The following RNF138 variants were observed in gnomAD, a reference collection of about 807,000 sequenced individuals.
The protein encoded by RNF138 is ring finger protein 138.
Under a neutral mutation model 31.0 loss-of-function variants are expected in RNF138, and 12 were observed. The observed-to-expected ratio is 0.39, with a 90% confidence interval of 0.25 to 0.63. RNF138 has a LOEUF of 0.63. Among genes scored for constraint, RNF138 ranks in the 20% least tolerant of loss-of-function variants. The pLI, the probability that RNF138 is intolerant of heterozygous loss-of-function variation, is 0.52. For synonymous variants in RNF138, 105 were observed against 99.5 expected (o/e 1.06, Z -0.33); for missense variants, 192 against 300.1 (o/e 0.64, Z 2.66).
chr18:32,103,685 C>T (rs918486633), intron 2 of RNF138, among the ~76,000 whole-genome samples: 10 of 152,012 alleles, frequency 6.6e-5, no homozygotes, highest in Non-Finnish European at 1.3e-4. Context: ...CTTCATGGGC[C>T]GGGTGTGGTG....
Position 32,104,567 on chromosome 18 carries a change from A to T in RNF138, c.111-7187A>T, listed in dbSNP as rs963895667. ...GATTAAAAACAAGAGAAACAATAAG[A>T]GTACAGGGAGGTTTGATGCAAGAAC... On this transcript the variant is annotated intron_variant, in intron 2 of 7. Coordinates refer to ENST00000261593, the MANE Select transcript of RNF138 (RefSeq NM_016271.5). Among the ~76,000 whole-genome samples the T allele has an allele frequency of 2.0e-5, 3 of 152,238 alleles. No homozygotes were observed. In the East Asian group the frequency reaches 5.8e-4, roughly 29 times the overall value.
intron 7 of RNF138, among the ~76,000 whole-genome samples, chr18:32,127,034 C>G (rs891410345): frequency 6.6e-6 from 1 of 152,056 alleles, no homozygotes; most frequent in Admixed American, 6.6e-5. Flanking sequence ...AGAGTAACAG[C>G]AAGCACCCAG....
intron 4 of RNF138, among the ~76,000 whole-genome samples, chr18:32,121,332 C>A (rs1397383774): frequency 1.3e-5 from 2 of 151,934 alleles, no homozygotes; most frequent in Non-Finnish European, 2.9e-5. Context: ...TCCGTCTTTA[C>A]TAAAAATACA....
At chr18:32,092,616 C>G in intron 1 of RNF138, 84 bp from the exon 2 acceptor site, 1 of 615,520 alleles carries the variant, frequency 1.6e-6, no homozygotes, top group East Asian at 3.1e-5. Flanking sequence ...CTGCGTTCGG[C>G]CCCGCCCTAC....
At chr18:32,108,433 T>G (rs2040072781) in intron 2 of RNF138, among the ~76,000 whole-genome samples, 1 of 152,154 alleles carries the variant, frequency 6.6e-6, no homozygotes, top group Non-Finnish European at 1.5e-5. Flanking sequence ...TTGTACTCTT[T>G]TATATCTGGC....
chr18:32,108,247 A>G lies in RNF138; in HGVS notation c.111-3507A>G, dbSNP rs1482091981. On this transcript the variant is annotated intron_variant, in intron 2 of 7. Transcript: ENST00000261593. ...GAATTTTCCCAAATTGAGTACACCC[A>G]TATCAAGCAACCATTCAACACCTAT... 2.0e-5 allele frequency among the ~76,000 whole-genome samples: 3 copies of G among 152,278 alleles called. No homozygotes were observed. In the East Asian group the frequency reaches 5.8e-4, roughly 29 times the overall value.
At chr18:32,107,885 C>T (rs969552807) in intron 2 of RNF138, among the ~76,000 whole-genome samples, 4 of 151,248 alleles carry the variant, frequency 2.6e-5, no homozygotes, top group South Asian at 2.1e-4. Flanking sequence ...TTTTTGGAGA[C>T]GGATTCTCGC....
chr18:32,126,668 G>T, intron 6 of RNF138, 25 bp from the exon 7 acceptor site: 2 of 1,283,586 alleles, frequency 1.6e-6, no homozygotes, highest in Non-Finnish European at 2.2e-6. Flanking sequence ...ATTATTTTTT[G>T]TTTAAAACAA....
At chr18:32,105,587 A>C (rs1205499275) in intron 2 of RNF138, among the ~76,000 whole-genome samples, 1 of 152,244 alleles carries the variant, frequency 6.6e-6, no homozygotes, top group Non-Finnish European at 1.5e-5. Context: ...TGTGCTATAC[A>C]TGATAATATT....
intron 4 of RNF138, among the ~76,000 whole-genome samples, chr18:32,117,558 T>A (rs968724745): frequency 5.3e-5 from 8 of 152,348 alleles, no homozygotes; most frequent in African/African-American, 1.9e-4. Context: ...TCATACTGTT[T>A]ATTATACGTT....
At chr18:32,101,825 C>T (rs888826011) in intron 2 of RNF138, among the ~76,000 whole-genome samples, 8 of 152,094 alleles carry the variant, frequency 5.3e-5, no homozygotes, top group African/African-American at 1.2e-4. Flanking sequence ...CTAGAAGTCA[C>T]ATTAAAATGT....
intron 4 of RNF138, among the ~76,000 whole-genome samples, chr18:32,122,226 A>C (rs956578592): frequency 1.3e-5 from 2 of 152,144 alleles, no homozygotes; most frequent in Admixed American, 1.3e-4. Flanking sequence ...GTGGAGAGAT[A>C]ACATTGTTAT....
intron 2 of RNF138, 70 bp downstream of exon 2, chr18:32,092,956 C>T: frequency 1.1e-6 from 1 of 871,980 alleles, no homozygotes; most frequent in Non-Finnish European, 1.6e-6. Context: ...CCCGGGACCC[C>T]GGGCTGCCGC....
rs1484627619 is a variant in RNF138, at chr18:32,131,307, CT to C, written c.*2125del. ...AAAATGATTGTTTAAAATTTCCCCT[CT>C]TTTTGTCAGTGCATTGGGAATAGGG... On this transcript the variant is annotated 3_prime_UTR_variant, in exon 8 of 8. Transcript: ENST00000261593. 4 of 136,190 alleles carry C rather than the reference CT, an allele frequency of 2.9e-5. No individual in the cohort carries two copies. The East Asian group carries it at 9.2e-4, about 31-fold the overall frequency. The allele number at this position is 136,190 out of a possible 1,614,324, so 8.4% of individuals were successfully genotyped here.
At chr18:32,110,148 G>A (rs2040102680) in intron 2 of RNF138, among the ~76,000 whole-genome samples, 1 of 152,028 alleles carries the variant, frequency 6.6e-6, no homozygotes, top group African/African-American at 2.4e-5. Flanking sequence ...ACTATACCCA[G>A]CTAATTTTTT....
chr18:32,102,988 A>G (rs1026430572), intron 2 of RNF138, among the ~76,000 whole-genome samples: 1 of 152,054 alleles, frequency 6.6e-6, no homozygotes, highest in African/African-American at 2.4e-5. Context: ...TTGCTTTTCT[A>G]TATTTTTATG....
intron 2 of RNF138, among the ~76,000 whole-genome samples, chr18:32,111,522 G>A (rs2040130012): frequency 6.6e-6 from 1 of 152,098 alleles, no homozygotes; most frequent in Non-Finnish European, 1.5e-5. Flanking sequence ...ATGTTAAGAA[G>A]TTGTAAAGCA....
At chr18:32,097,972 GTGTGTT>G (rs1442998592) in intron 2 of RNF138, among the ~76,000 whole-genome samples, 1 of 113,398 alleles carries the variant, frequency 8.8e-6, no homozygotes, top group Non-Finnish European at 1.7e-5. Context: ...GTGTGTGTGT[GTGTGTT>G]ATTTTTGTTT....
intron 2 of RNF138, among the ~76,000 whole-genome samples, chr18:32,094,649 T>C (rs1432776441): frequency 6.6e-6 from 1 of 152,012 alleles, no homozygotes; most frequent in African/African-American, 2.4e-5. Context: ...ACAATATAGA[T>C]CTTCCACCTT....
Sources: allele counts gnomAD v4.1 joint callset (sites outside exome capture counted in the v4.1 genomes callset), GRCh38; gene constraint gnomAD v4.1.1; transcripts MANE v1.5; gene names NCBI Gene and HGNC (gene_info 2026-07-23, HGNC 2026-07-21).